ESYT2: variants seen among roughly 807,000 people sequenced by gnomAD.
ESYT2 encodes the protein extended synaptotagmin 2.
ESYT2 carries 54 observed loss-of-function variants against 107.2 expected under a neutral mutation model. The ratio of observed to expected loss-of-function variants is 0.50; its 90% CI spans 0.40 to 0.63. The LOEUF (loss-of-function observed/expected upper bound fraction) is 0.63. Ranked by LOEUF, ESYT2 falls within the 30% of genes least tolerant of loss-of-function variation. ESYT2 has a pLI of 0.00. For missense variants in ESYT2, 1,020 were observed against 1,094.5 expected, an observed-to-expected ratio of 0.93 and a Z score of 0.96; for synonymous variants, 491 against 434.1, an observed-to-expected ratio of 1.13 and a Z score of -1.63.
chr7:158,803,879 C>T (rs1839722737), intron 1 of ESYT2, among the ~76,000 whole-genome samples: 3 of 68,308 alleles, frequency 4.4e-5, no homozygotes, highest in African/African-American at 1.9e-4. Flanking sequence ...ACCCAAACCA[C>T]GGAGAAGGGT....
chr7:158,814,123 A>C (rs1840068620), intron 1 of ESYT2, among the ~76,000 whole-genome samples: 1 of 151,646 alleles, frequency 6.6e-6, no homozygotes, highest in African/African-American at 2.4e-5. Context: ...AAATACAAAA[A>C]ATTAGTCGGG....
intron 1 of ESYT2, among the ~76,000 whole-genome samples, chr7:158,828,350 C>A (rs1189195): frequency 0.84 from 127,430 of 152,242 alleles, 53,750 homozygotes; most frequent in Non-Finnish European, 0.88. Context: ...TTTGGGAATG[C>A]GCACGAGAAT....
At chr7:158,769,406 C>T (rs57690452) in intron 7 of ESYT2, among the ~76,000 whole-genome samples, 16,605 of 152,202 alleles carry the variant, frequency 0.11, 1,359 homozygotes, top group East Asian at 0.43. Flanking sequence ...GCAGCTCTGA[C>T]GGAGCTCCCT....
At chr7:158,740,098 C>T (rs910007031) in intron 18 of ESYT2, among the ~76,000 whole-genome samples, 3 of 152,298 alleles carry the variant, frequency 2.0e-5, no homozygotes, top group South Asian at 2.1e-4. Flanking sequence ...GCTCCACCGG[C>T]GCTAACTGCA....
intron 6 of ESYT2, among the ~76,000 whole-genome samples, chr7:158,780,853 A>C (rs1450411630): frequency 6.6e-6 from 1 of 152,228 alleles, no homozygotes; most frequent in Non-Finnish European, 1.5e-5. Context: ...AGCACAGGGA[A>C]TGGTGAAGGA....
chr7:158,741,480 G>C, intron 18 of ESYT2, 43 bp downstream of exon 18: 1 of 1,503,180 alleles, frequency 6.7e-7, no homozygotes, highest in Non-Finnish European at 8.8e-7. Flanking sequence ...GGTGGGGGGC[G>C]CTTGCTCTGC....
chr7:158,758,879 C>T (rs1837860860), intron 13 of ESYT2, among the ~76,000 whole-genome samples: 3 of 152,202 alleles, frequency 2.0e-5, no homozygotes, highest in African/African-American at 7.2e-5. Context: ...CAACATTTTA[C>T]ATTTTTTCTC....
At chr7:158,743,719 A>C in intron 16 of ESYT2, 41 bp from the exon 17 acceptor site, 1 of 1,582,920 alleles carries the variant, frequency 6.3e-7, no homozygotes, top group Non-Finnish European at 8.6e-7. Context: ...AACTAGGATC[A>C]TGTCTGCAGA....
rs1836733902 is a variant in ESYT2, at chr7:158,731,172, T to C, written c.*3035A>G. 1 of 152,118 alleles carries C rather than the reference T, an allele frequency of 6.6e-6. No homozygotes were observed. The highest frequency in any genetic ancestry group is 2.1e-4 in the South Asian group (1 of 4,818). The allele number at this position is 152,118 out of a possible 1,614,324, so 9.4% of individuals were successfully genotyped here. A position where few individuals can be genotyped will look rare whatever the true frequency, so the allele number is the denominator to read the frequency against. On this transcript the variant is annotated 3_prime_UTR_variant, in exon 23 of 23. Coordinates refer to ENST00000275418, the MANE Select transcript of ESYT2 (RefSeq NM_001367773.1). ...GGCAACCACAGAAAAAACACACAGC[T>C]ACACACAGGCCTGCATTTGGCTTAT...
At chr7:158,780,328 G>C (rs1490492175) in intron 6 of ESYT2, among the ~76,000 whole-genome samples, 1 of 152,174 alleles carries the variant, frequency 6.6e-6, no homozygotes, top group Non-Finnish European at 1.5e-5. Flanking sequence ...GAGCAATTAA[G>C]ATCTTTCTCG....
At chr7:158,797,118 T>C (rs1031301191) in intron 3 of ESYT2, among the ~76,000 whole-genome samples, 1 of 151,928 alleles carries the variant, frequency 6.6e-6, no homozygotes, top group Middle Eastern at 3.2e-3. Context: ...CGGTAGACCT[T>C]GGTGAACAAT....
At chr7:158,802,160 C>G (rs1021321042) in intron 1 of ESYT2, among the ~76,000 whole-genome samples, 1 of 152,196 alleles carries the variant, frequency 6.6e-6, no homozygotes, top group African/African-American at 2.4e-5. Context: ...TGACAGCTAA[C>G]ATTTAAAACA....
chr7:158,753,624 A>G (rs1278914050), intron 13 of ESYT2, among the ~76,000 whole-genome samples: 1 of 133,444 alleles, frequency 7.5e-6, no homozygotes, highest in Non-Finnish European at 1.6e-5. Flanking sequence ...TTTTTTGCTA[A>G]GCAAAAGATT....
At chr7:158,828,872 G>C (rs1366282547) in intron 1 of ESYT2, among the ~76,000 whole-genome samples, 1 of 149,358 alleles carries the variant, frequency 6.7e-6, no homozygotes, top group Non-Finnish European at 1.5e-5. Flanking sequence ...CGCAGGAACC[G>C]GCCCGGGGGC....
intron 1 of ESYT2, among the ~76,000 whole-genome samples, chr7:158,807,046 TGA>T (rs1319300610): frequency 6.6e-6 from 1 of 151,566 alleles, no homozygotes; most frequent in African/African-American, 2.4e-5. Context: ...AGAAACTACA[TGA>T]GATTGTAAAA....
chr7:158,823,294 CAAAAAAA>C (rs1173735798), intron 1 of ESYT2, among the ~76,000 whole-genome samples: 5 of 29,810 alleles, frequency 1.7e-4, no homozygotes, highest in African/African-American at 4.8e-4. Context: ...GACTCTGTCT[CAAAAAAA>C]AAAAAAAAAA....
chr7:158,749,279 C>T (rs999722127), intron 15 of ESYT2, among the ~76,000 whole-genome samples: 2 of 151,938 alleles, frequency 1.3e-5, no homozygotes, highest in African/African-American at 2.4e-5. Flanking sequence ...GCACCATGCC[C>T]GACTAAGTTT....
At position 158,757,768 on chromosome 7, in the gene ESYT2, G is replaced by T. The variant is rs944503090; in HGVS notation, c.1419+1718C>A. On this transcript the variant is annotated intron_variant, in intron 13 of 22. Transcript: ENST00000275418. ...AGTCTCTCTGGGTTTTTTTTTTTTT[G>T]TTTTTTGTTTTTTTTGCTTATGTGA... 1.5e-3 allele frequency among the ~76,000 whole-genome samples: 216 copies of T among 143,638 alleles called. 2 individuals carry two copies. The highest frequency in any genetic ancestry group is 5.1e-3 in the African/African-American group (189 of 37,346). The allele number at this position is 143,638 out of a possible 152,430, so 94.2% of individuals were successfully genotyped here. A position where few individuals can be genotyped will look rare whatever the true frequency, so the allele number is the denominator to read the frequency against.
At chr7:158,792,585 T>C (rs900011711) in intron 4 of ESYT2, among the ~76,000 whole-genome samples, 4 of 150,514 alleles carry the variant, frequency 2.7e-5, no homozygotes, top group East Asian at 3.9e-4. Flanking sequence ...TAAATATATA[T>C]ATATAATGTC....
Sources: gnomAD v4.1 joint callset for allele counts (sites outside exome capture counted in the v4.1 genomes callset) on GRCh38, gnomAD v4.1.1 for gene constraint, MANE v1.5 for transcripts, NCBI Gene and HGNC (gene_info 2026-07-23, HGNC 2026-07-21) for gene names.